The following KMO variants were observed in gnomAD, a reference collection of about 807,000 sequenced individuals.
KMO encodes kynurenine 3-monooxygenase.
KMO carries 24 observed loss-of-function variants against 57.8 expected under a neutral mutation model. The ratio of observed to expected loss-of-function variants is 0.42; its 90% CI spans 0.30 to 0.58. KMO has a LOEUF of 0.58. Ranked by LOEUF, KMO falls within the 20% of genes least tolerant of loss-of-function variation. The pLI is 0.22. For synonymous variants in KMO, 210 were observed against 193.6 expected (o/e 1.08, Z -0.70); for missense variants, 483 against 588.2 (o/e 0.82, Z 1.85).
At chr1:241,582,244 G>A (rs1167142081) in intron 10 of KMO, among the ~76,000 whole-genome samples, 1 of 151,992 alleles carries the variant, frequency 6.6e-6, no homozygotes, top group East Asian at 1.9e-4. Flanking sequence ...CTTTGATGTA[G>A]CCTTATTTGG....
At chr1:241,560,810 T>C (rs957410112) in intron 6 of KMO, 58 bp downstream of exon 6, 3 of 1,091,790 alleles carry the variant, frequency 2.7e-6, no homozygotes, top group African/African-American at 3.1e-5. Flanking sequence ...GAGAATTGTA[T>C]CTGCAAACTT....
At position 241,555,665 on chromosome 1, in the gene KMO, G is replaced by A; in HGVS notation, c.361+5G>A. The A allele has an allele frequency of 6.5e-7, 1 of 1,537,836 alleles. No homozygotes were observed. The highest frequency in any genetic ancestry group is 9.0e-7 in the Non-Finnish European group (1 of 1,112,510). ...TAAACAAGGATCTATTGACTGGTAA[G>A]TCTAATGTTTGATTCATCAGTTGTC... On this transcript the variant is annotated splice_donor_5th_base_variant and intron_variant, in intron 5 of 14. Coordinates refer to ENST00000366559, the MANE Select transcript of KMO (RefSeq NM_003679.5).
Position 241,560,720 on chromosome 1 carries a change from T to A in KMO, c.417T>A (p.Cys139Ter). 6.2e-7 allele frequency: 1 copy of A among 1,613,720 alleles called. No individual in the cohort carries two copies. Among genetic ancestry groups the A allele is most frequent in the Non-Finnish European group, 8.5e-7 (1 of 1,179,620 alleles). The change falls in exon 6 of 15, where the codon TGT becomes TGA. Residue 139 changes from cysteine to a stop codon, truncating the protein, a stop_gained. Transcript: ENST00000366559. LOFTEE classifies it high-confidence loss of function. ...KMHFNHRLLK[C>*]NPEEGMITVL... ...ACTTTAACCACAGGCTGTTGAAATG[T>A]AATCCAGAGGAAGGAATGATCACAG...
rs1395845927 is a variant in KMO, at chr1:241,532,413, C to A, written c.-32C>A. ...AATCAGTGTCACTCAGTGACAGAAG[C>A]AACAATAATTGTGAAAAATACTTCA... On this transcript the variant is annotated 5_prime_UTR_variant, in exon 1 of 15. Coordinates refer to ENST00000366559, the MANE Select transcript of KMO (RefSeq NM_003679.5). 3 of 1,611,374 alleles carry A rather than the reference C, an allele frequency of 1.9e-6. No homozygotes were observed. Among genetic ancestry groups the A allele is most frequent in the South Asian group, 1.1e-5 (1 of 90,910 alleles).
intron 7 of KMO, among the ~76,000 whole-genome samples, chr1:241,562,921 AGGAAGGAAGGAAGGAAGGAGAC>A (rs1558421427): frequency 6.0e-4 from 27 of 44,974 alleles, no homozygotes; most frequent in South Asian, 1.7e-3. Flanking sequence ...GAAGGAAAGA[AGGAAGGAAGGAAGGAAGGAGAC>A]GGGAAGGGAA....
Position 241,568,605 on chromosome 1 carries a change from A to G in KMO, c.915A>G (p.Ala305=), listed in dbSNP as rs768734269. The part of the protein sequence containing the change: ...FKSHCVLLGD[A]AHAIVPFFGQ... The stretch of plus-strand genomic sequence containing the variant: ...CTCACTGTGTACTGCTGGGAGATGC[A>G]GCTCATGCTATAGTGCCGTTTTTTG... The change falls in exon 10 of 15, where the codon GCA becomes GCG. Residue 305 remains alanine, a synonymous_variant. Coordinates refer to ENST00000366559, the MANE Select transcript of KMO (RefSeq NM_003679.5). The G allele has an allele frequency of 6.2e-7, 1 of 1,613,952 alleles. No individual in the cohort carries two copies.
chr1:241,584,830 C>T (rs1164983603), intron 10 of KMO, among the ~76,000 whole-genome samples: 1 of 152,140 alleles, frequency 6.6e-6, no homozygotes, highest in Non-Finnish European at 1.5e-5. Context: ...GTGCCCAGGA[C>T]CTGACATTAG....
intron 1 of KMO, among the ~76,000 whole-genome samples, chr1:241,539,505 T>A (rs1464500182): frequency 6.6e-6 from 1 of 152,190 alleles, no homozygotes; most frequent in Non-Finnish European, 1.5e-5. Context: ...TAGAATCTAA[T>A]GTAGGCTCTC....
intron 1 of KMO, chr1:241,536,462 G>T: frequency 1.0e-6 from 1 of 974,360 alleles, no homozygotes; most frequent in Non-Finnish European, 1.2e-6. Context: ...ACTGTTTTCA[G>T]TGTTTACAGG....
chr1:241,541,449 T>C (rs2147941603), intron 1 of KMO, among the ~76,000 whole-genome samples: 1 of 152,254 alleles, frequency 6.6e-6, no homozygotes, highest in South Asian at 2.1e-4. Context: ...ATAAGTCAAC[T>C]TTTAGCTATG....
At chr1:241,553,149 G>T (rs567444810) in intron 4 of KMO, among the ~76,000 whole-genome samples, 4 of 152,176 alleles carry the variant, frequency 2.6e-5, no homozygotes, top group African/African-American at 4.8e-5. Flanking sequence ...GGTTACAGAG[G>T]CCACTTTATA....
intron 1 of KMO, among the ~76,000 whole-genome samples, chr1:241,543,567 C>T (rs1371528316): frequency 6.6e-6 from 1 of 152,108 alleles, no homozygotes; most frequent in Non-Finnish European, 1.5e-5. Flanking sequence ...TTATGAAAGG[C>T]ACTACACTGA....
chr1:241,548,094 C>CACACACACACACACACAG lies in KMO; in HGVS notation c.55-720_55-719insCAGACACACACACACACA, dbSNP rs1157300837. Among the ~76,000 whole-genome samples, 5 of 151,798 alleles carry CACACACACACACACACAG rather than the reference C, an allele frequency of 3.3e-5. No homozygotes were observed. The East Asian group carries it at 9.7e-4, about 29-fold the overall frequency. On this transcript the variant is annotated intron_variant, in intron 1 of 14. Transcript: ENST00000366559. ...AAGATGCAAAAACAAACAAAACACA[C>CACACACACACACACACAG]ACACACACACACACAGTGTGATTCT...
Position 241,592,350 on chromosome 1 carries a change from C to G in KMO, c.*197C>G, listed in dbSNP as rs1663339712. ...GCATTTTAAAAGATGAAACATGCAG[C>G]TTCCCTACATTACACACACTCAGGT... On this transcript the variant is annotated 3_prime_UTR_variant, in exon 15 of 15. Transcript: ENST00000366559. 1.7e-6 allele frequency: 1 copy of G among 582,596 alleles called. No individual in the cohort carries two copies. The highest frequency in any genetic ancestry group is 3.0e-5 in the Admixed American group (1 of 33,514). The allele number at this position is 582,596 out of a possible 1,614,324, so 36.1% of individuals were successfully genotyped here. A position where few individuals can be genotyped will look rare whatever the true frequency, so the allele number is the denominator to read the frequency against.
intron 5 of KMO, among the ~76,000 whole-genome samples, chr1:241,559,793 A>G (rs2147958683): frequency 6.6e-6 from 1 of 152,306 alleles, no homozygotes; most frequent in African/African-American, 2.4e-5. Context: ...AATGTGTACA[A>G]CTTGATGAGT....
Position 241,588,791 on chromosome 1 carries a change from T to A in KMO, c.1059T>A (p.Asp353Glu). Reference sequence around the variant, plus strand: ...TCTCAAGATTGAGAATCCCAGATGATCACGCGATTTCAGACCTATCCATGT... The same window carrying A: ...TCTCAAGATTGAGAATCCCAGATGAACACGCGATTTCAGACCTATCCATGT... ...PVFSRLRIPD[D>E]HAISDLSMYN... The change falls in exon 12 of 15, where the codon GAT becomes GAA. Residue 353 changes from aspartate (D) to glutamate (E), a missense_variant. Transcript: ENST00000366559. 1 of 1,613,610 alleles carries A rather than the reference T, an allele frequency of 6.2e-7. No individual in the cohort carries two copies. The highest frequency in any genetic ancestry group is 8.5e-7 in the Non-Finnish European group (1 of 1,179,728).
chr1:241,576,045 G>A (rs1401768516), intron 10 of KMO, among the ~76,000 whole-genome samples: 2 of 139,542 alleles, frequency 1.4e-5, no homozygotes, highest in Admixed American at 1.4e-4. Context: ...TTTAACTGTT[G>A]TTTTAAAGTC....
chr1:241,561,152 T>C (rs1661820739), intron 6 of KMO, among the ~76,000 whole-genome samples: 1 of 152,198 alleles, frequency 6.6e-6, no homozygotes, highest in African/African-American at 2.4e-5. Context: ...TCTTGCGATA[T>C]GCTATGGATC....
intron 1 of KMO, among the ~76,000 whole-genome samples, chr1:241,543,142 GC>G (rs1661016267): frequency 6.6e-6 from 1 of 152,068 alleles, no homozygotes; most frequent in South Asian, 2.1e-4. Flanking sequence ...ACAATAAGCG[GC>G]CATGAATCTA....
Sources: allele counts gnomAD v4.1 joint callset (sites outside exome capture counted in the v4.1 genomes callset), GRCh38; gene constraint gnomAD v4.1.1; transcripts MANE v1.5; gene names NCBI Gene and HGNC (gene_info 2026-07-23, HGNC 2026-07-21).